The following DENND2A variants were observed in gnomAD, a reference collection of about 807,000 sequenced individuals.
The protein encoded by DENND2A is DENN domain-containing protein 2A.
Under a neutral mutation model 105.3 loss-of-function variants are expected in DENND2A, and 53 were observed. The ratio of observed to expected loss-of-function variants is 0.50; its 90% confidence interval spans 0.40 to 0.63. DENND2A has a LOEUF of 0.63. Among genes scored for constraint, DENND2A ranks in the 30% least tolerant of loss-of-function variants. The probability of loss-of-function intolerance (pLI) is 0.00; values close to 1 mark genes in which losing one functional copy is unlikely to be tolerated. For missense variants in DENND2A, 1,138 were observed against 1,279.6 expected (o/e 0.89, Z 1.69); for synonymous variants, 522 against 508.4 (o/e 1.03, Z -0.36).
chr7:140,626,944 T>C (rs1585785654), intron 1 of DENND2A, among the ~76,000 whole-genome samples: 1 of 152,174 alleles, frequency 6.6e-6, no homozygotes, highest in Non-Finnish European at 1.5e-5. Flanking sequence ...TCCAGTGAAC[T>C]TGGAGAGCTG....
chr7:140,600,420 CG>C (rs1799442079), intron 3 of DENND2A, among the ~76,000 whole-genome samples: 1 of 151,748 alleles, frequency 6.6e-6, no homozygotes, highest in Non-Finnish European at 1.5e-5. Context: ...GGGATAGGTT[CG>C]GGGTGTGCTC....
chr7:140,555,359 G>A (rs1380728920), intron 12 of DENND2A, among the ~76,000 whole-genome samples: 2 of 151,506 alleles, frequency 1.3e-5, no homozygotes, highest in Non-Finnish European at 2.9e-5. Context: ...GGCTTGTCTC[G>A]AACTCCTGAC....
chr7:140,523,618 C>T lies in DENND2A; in HGVS notation c.2548-194G>A, dbSNP rs180866911. 4.4e-4 allele frequency among the ~76,000 whole-genome samples: 67 copies of T among 152,248 alleles called. No homozygotes were observed. The highest frequency in any genetic ancestry group is 1.4e-3 in the African/African-American group (60 of 41,548). On this transcript the variant is annotated intron_variant, in intron 16 of 19. Coordinates refer to ENST00000496613, the MANE Select transcript of DENND2A (RefSeq NM_015689.5). The surrounding 1 kb of genome is among the most constrained non-coding windows in gnomAD (Gnocchi z 4.5). ...TTGAGACAGAGTTTCACTCTTGTCG[C>T]ATAGTCTGGAGTGCAATGCCATGAT...
At chr7:140,521,623 C>T (rs942405301) in intron 18 of DENND2A, among the ~76,000 whole-genome samples, 1 of 152,110 alleles carries the variant, frequency 6.6e-6, no homozygotes, top group Non-Finnish European at 1.5e-5. Flanking sequence ...AGAAGGAGAC[C>T]CTGCCACAGA....
rs1260238963 is a variant in DENND2A, at chr7:140,602,210, G to A, written c.188C>T (p.Ala63Val). 6.2e-7 allele frequency: 1 copy of A among 1,614,124 alleles called. No homozygotes were observed. Among genetic ancestry groups the A allele is most frequent in the Non-Finnish European group, 8.5e-7 (1 of 1,180,022 alleles). ...WEGKKEVPTP[A>V]PSRRADGQED... Reference sequence around the variant, plus strand: ...CTGTCCGTCTGCTCTCCTGCTGGGTGCAGGAGTGGGCACCTCTTTCTTCCC... The same window carrying A: ...CTGTCCGTCTGCTCTCCTGCTGGGTACAGGAGTGGGCACCTCTTTCTTCCC... The change falls in exon 3 of 20, where the codon GCA (alanine) becomes GTA (valine). Residue 63 changes from alanine to valine, a missense_variant. Coordinates refer to ENST00000496613, the MANE Select transcript of DENND2A (RefSeq NM_015689.5).
intron 9 of DENND2A, among the ~76,000 whole-genome samples, chr7:140,560,740 T>C (rs896126803): frequency 2.6e-5 from 4 of 152,068 alleles, no homozygotes; most frequent in Admixed American, 6.6e-5. Flanking sequence ...GAGACCAGCC[T>C]GGCCAACATG....
chr7:140,564,280 C>CAA (rs142073371), intron 9 of DENND2A, among the ~76,000 whole-genome samples: 1 of 128,386 alleles, frequency 7.8e-6, no homozygotes, highest in Non-Finnish European at 1.7e-5. Context: ...GAGACTGTGT[C>CAA]AAAAAAAAAA....
intron 1 of DENND2A, among the ~76,000 whole-genome samples, chr7:140,619,534 C>T (rs1200911615): frequency 6.6e-6 from 1 of 151,828 alleles, no homozygotes; most frequent in African/African-American, 2.4e-5. Flanking sequence ...CTCACTCACT[C>T]TGTTGCCCAG....
At chr7:140,592,270 G>A (rs895203145) in intron 3 of DENND2A, among the ~76,000 whole-genome samples, 8 of 149,532 alleles carry the variant, frequency 5.4e-5, no homozygotes, top group African/African-American at 1.2e-4. Flanking sequence ...GCAGTGGTGC[G>A]ATCTTGGCTC....
intron 1 of DENND2A, among the ~76,000 whole-genome samples, chr7:140,624,745 C>T (rs948558791): frequency 3.3e-5 from 5 of 151,872 alleles, no homozygotes; most frequent in African/African-American, 1.2e-4. Context: ...CTTCAGAAAC[C>T]CAGAGAGATT....
chr7:140,560,198 C>T (rs1585632938), intron 9 of DENND2A, among the ~76,000 whole-genome samples: 1 of 152,238 alleles, frequency 6.6e-6, no homozygotes, highest in South Asian at 2.1e-4. Context: ...CAAAGCTGTC[C>T]CTTTCGAACT....
rs372846744 is a variant in DENND2A at position 140,587,692 on chromosome 7, G to A, written c.1084C>T (p.Arg362Cys). The change falls in exon 4 of 20, where the codon CGC becomes TGC. Residue 362 changes from arginine to cysteine, a missense_variant. Physicochemically the swap from Arg to Cys is radical, Grantham distance 180. Coordinates refer to ENST00000496613, the MANE Select transcript of DENND2A (RefSeq NM_015689.5). ...TAGACGTTCTCCTCCGATAAAGTGC[G>A]TGTCAGCCCCAGCTTAGTCTGCGCG... is the stretch of plus-strand genomic sequence containing the variant. ...WYAQTKLGLT[R>C]TLSEENVYED... 1.5e-5 allele frequency: 24 copies of A among 1,613,828 alleles called. No individual in the cohort carries two copies. Among genetic ancestry groups the A allele is most frequent in the African/African-American group, 1.1e-4 (8 of 74,892 alleles).
intron 1 of DENND2A, among the ~76,000 whole-genome samples, chr7:140,607,082 T>C (rs1799715644): frequency 1.3e-5 from 2 of 152,172 alleles, no homozygotes; most frequent in African/African-American, 2.4e-5. Flanking sequence ...GCTCAAGGCA[T>C]ATCAAGATAC....
chr7:140,521,777 C>T (rs1406124627), intron 18 of DENND2A, 78 bp downstream of exon 18: 2 of 1,578,808 alleles, frequency 1.3e-6, no homozygotes, highest in African/African-American at 1.3e-5. Flanking sequence ...GCCCTGTGAT[C>T]TTTCTCCCTA....
In DENND2A at chr7:140,591,879, CTTCT is replaced by C. The variant is rs533126680; in HGVS notation, c.996-4103_996-4100del. ...TCCTTCCCTTCCCTTTCCTTCCTTC[CTTCT>C]TTCTTTCTTTCTTTTTCTTCCTCTC... On this transcript the variant is annotated intron_variant, in intron 3 of 19. Transcript: ENST00000496613. 3.3e-3 allele frequency among the ~76,000 whole-genome samples: 376 copies of C among 114,184 alleles called. 6 individuals carry two copies. The highest frequency in any genetic ancestry group is 0.013 in the Middle Eastern group (3 of 238). The allele number at this position is 114,184 out of a possible 152,430, so 74.9% of individuals were successfully genotyped here.
chr7:140,567,514 G>A (rs1399732562), intron 8 of DENND2A, among the ~76,000 whole-genome samples: 1 of 152,134 alleles, frequency 6.6e-6, no homozygotes, highest in Non-Finnish European at 1.5e-5. Flanking sequence ...CAAAGTTCTG[G>A]GAGAACCAAC....
chr7:140,601,374 A>G (rs776413227), intron 3 of DENND2A, 29 bp downstream of exon 3: 2 of 1,539,486 alleles, frequency 1.3e-6, no homozygotes, highest in East Asian at 4.5e-5. Flanking sequence ...TCAGGTGGCG[A>G]CACTCTGCCT....
At chr7:140,578,778 A>T (rs578254622) in intron 5 of DENND2A, among the ~76,000 whole-genome samples, 13 of 152,202 alleles carry the variant, frequency 8.5e-5, no homozygotes, top group African/African-American at 2.9e-4. Flanking sequence ...GGAGGCTGAG[A>T]CAGGAGAATC....
intron 3 of DENND2A, among the ~76,000 whole-genome samples, chr7:140,593,684 T>C (rs560051847): frequency 6.6e-6 from 1 of 152,194 alleles, no homozygotes; most frequent in South Asian, 2.1e-4. Flanking sequence ...ACTCCTAGCC[T>C]CCCTCCCACT....
Sources: gnomAD v4.1 joint callset for allele counts (sites outside exome capture counted in the v4.1 genomes callset) on GRCh38, gnomAD v4.1.1 for gene constraint, Gnocchi (gnomAD v3.1) non-coding constraint, MANE v1.5 for transcripts, NCBI Gene and HGNC (gene_info 2026-07-23, HGNC 2026-07-21) for gene names.